NCAM2: variants seen among roughly 807,000 people sequenced by gnomAD.
NCAM2 encodes the protein neural cell adhesion molecule 2.
In NCAM2, 30 loss-of-function variants were observed where a neutral mutation model predicts 98.1. The observed-to-expected ratio is 0.31, with a 90% CI of 0.23 to 0.41. The LOEUF (loss-of-function observed/expected upper bound fraction) is 0.41, where lower values mean the gene tolerates loss of function less well. Ranked by LOEUF, NCAM2 falls within the 10% of genes least tolerant of loss-of-function variation. NCAM2 has a pLI of 1.00. For synonymous variants in NCAM2, 368 were observed against 342.4 expected (o/e 1.07, Z -0.83); for missense variants, 867 against 1,005.8 (o/e 0.86, Z 1.87).
At chr21:21,160,694 A>G (rs1010375826) in intron 1 of NCAM2, among the ~76,000 whole-genome samples, 2 of 151,990 alleles carry the variant, frequency 1.3e-5, no homozygotes, top group African/African-American at 4.8e-5. Flanking sequence ...TGTGTATGCA[A>G]GACAATACTG....
chr21:21,314,757 A>ATTT (rs1388302854), intron 5 of NCAM2, among the ~76,000 whole-genome samples: 1 of 135,282 alleles, frequency 7.4e-6, no homozygotes, highest in Admixed American at 7.7e-5. Context: ...ACATCCATGA[A>ATTT]TTTTGTTGTT....
chr21:21,434,973 G>T (rs1448453676), intron 12 of NCAM2, among the ~76,000 whole-genome samples: 2 of 152,128 alleles, frequency 1.3e-5, no homozygotes, highest in Non-Finnish European at 2.9e-5. Context: ...GCCCCTTGGG[G>T]ATGTGTGACT....
At chr21:21,084,061 A>C (rs1165608326) in intron 1 of NCAM2, among the ~76,000 whole-genome samples, 1 of 152,190 alleles carries the variant, frequency 6.6e-6, no homozygotes, top group African/African-American at 2.4e-5. Context: ...TAGATCAAAA[A>C]GCAGCCAATT....
In NCAM2 at chr21:21,247,914, C is replaced by A. The variant is rs142524773; in HGVS notation, c.56-32664C>A. On this transcript the variant is annotated intron_variant, in intron 1 of 17. Transcript: ENST00000400546. ...TCCTCGTCCTTTTCTCCTTTCCCTT[C>A]TTCCTTCTTTCTCTTCAATTCTTTT... Among the ~76,000 whole-genome samples the A allele has an allele frequency of 2.4e-4, 36 of 152,132 alleles. 1 individual carries two copies. Among genetic ancestry groups the A allele is most frequent in the Non-Finnish European group, 3.8e-4 (26 of 68,028 alleles).
rs71193401 is a variant in NCAM2, at chr21:21,123,848, C to CT, written c.55+125247dup. Among the ~76,000 whole-genome samples the CT allele has an allele frequency of 1.6e-3, 137 of 86,664 alleles. 9 individuals carry two copies. Among genetic ancestry groups the CT allele is most frequent in the African/African-American group, 6.1e-3 (133 of 21,884 alleles). The allele number at this position is 86,664 out of a possible 152,430, so 56.9% of individuals were successfully genotyped here. On this transcript the variant is annotated intron_variant, in intron 1 of 17. Transcript: ENST00000400546. ...GCACATTTGAATTCATTCTTGATTG[C>CT]TTTTTTTTTTTTTTTTTGAGACGGA...
chr21:21,202,202 T>C (rs547172470), intron 1 of NCAM2, among the ~76,000 whole-genome samples: 23 of 152,224 alleles, frequency 1.5e-4, no homozygotes, highest in African/African-American at 5.5e-4. Flanking sequence ...TTTGTATAAA[T>C]TAATCTGTGC....
intron 16 of NCAM2, among the ~76,000 whole-genome samples, chr21:21,511,342 T>G (rs1030034841): frequency 6.6e-6 from 1 of 151,978 alleles, no homozygotes; most frequent in East Asian, 1.9e-4. Context: ...TGAGTTTAAG[T>G]TGTTGTTGTT....
chr21:21,224,525 G>C (rs2070302555), intron 1 of NCAM2, among the ~76,000 whole-genome samples: 1 of 152,030 alleles, frequency 6.6e-6, no homozygotes, highest in Non-Finnish European at 1.5e-5. Context: ...ATAAATATAT[G>C]TTAAATATGT....
chr21:21,502,039 T>A (rs1987670078), intron 15 of NCAM2, among the ~76,000 whole-genome samples: 1 of 151,950 alleles, frequency 6.6e-6, no homozygotes, highest in Non-Finnish European at 1.5e-5. Context: ...CTGACTAAAG[T>A]ATTTTGCGAG....
chr21:21,389,013 A>C (rs2076327173), intron 9 of NCAM2, among the ~76,000 whole-genome samples: 1 of 152,212 alleles, frequency 6.6e-6, no homozygotes, highest in South Asian at 2.1e-4. Flanking sequence ...GTAATCCTCA[A>C]ATCTGGGTAA....
chr21:21,471,316 T>C (rs1421822502), intron 14 of NCAM2, among the ~76,000 whole-genome samples: 1 of 152,020 alleles, frequency 6.6e-6, no homozygotes, highest in African/African-American at 2.4e-5. Context: ...AACATCATGC[T>C]CTGAGGATCC....
At chr21:21,309,286 G>T (rs1229396681) in intron 5 of NCAM2, among the ~76,000 whole-genome samples, 3 of 151,642 alleles carry the variant, frequency 2.0e-5, no homozygotes, top group Non-Finnish European at 4.4e-5. Context: ...TTGTTTTGTT[G>T]TTCTTTTCAA....
intron 1 of NCAM2, among the ~76,000 whole-genome samples, chr21:21,084,574 A>G (rs1601322125): frequency 6.6e-6 from 1 of 152,208 alleles, no homozygotes; most frequent in African/African-American, 2.4e-5. Flanking sequence ...TTAAGTATGT[A>G]TGATGTTTAA....
intron 1 of NCAM2, among the ~76,000 whole-genome samples, chr21:21,219,878 C>G (rs2070068420): frequency 6.6e-6 from 1 of 152,054 alleles, no homozygotes; most frequent in Non-Finnish European, 1.5e-5. Flanking sequence ...TGATTCTGAT[C>G]TTGATCCTAG....
At chr21:21,418,371 G>A in intron 10 of NCAM2, 102 bp from the exon 11 acceptor site, 1 of 792,326 alleles carries the variant, frequency 1.3e-6, no homozygotes, top group Admixed American at 2.1e-5. Flanking sequence ...GGAGTTGTTG[G>A]GTAAAAAATG....
intron 8 of NCAM2, among the ~76,000 whole-genome samples, chr21:21,372,257 A>G (rs1353396580): frequency 1.3e-5 from 2 of 151,876 alleles, no homozygotes; most frequent in Non-Finnish European, 2.9e-5. Flanking sequence ...AAAAATAACC[A>G]TATTATAAAA....
intron 1 of NCAM2, among the ~76,000 whole-genome samples, chr21:21,125,507 T>TA (rs1399719263): frequency 0.02 from 2,324 of 115,500 alleles, 132 homozygotes; most frequent in Non-Finnish European, 0.029. Flanking sequence ...ATATGTAATA[T>TA]TTTACATATA....
chr21:21,197,080 A>G (rs1293609124), intron 1 of NCAM2, among the ~76,000 whole-genome samples: 2 of 152,244 alleles, frequency 1.3e-5, no homozygotes, highest in African/African-American at 2.4e-5. Flanking sequence ...CCATAGGACC[A>G]GTGGAACTGT....
intron 1 of NCAM2, among the ~76,000 whole-genome samples, chr21:21,125,703 A>G (rs535986580): frequency 2.3e-5 from 1 of 42,864 alleles, no homozygotes; most frequent in Non-Finnish European, 7.1e-5. Context: ...AATATTTTAC[A>G]TATATATATA....
Sources: allele counts gnomAD v4.1 joint callset (sites outside exome capture counted in the v4.1 genomes callset), GRCh38; gene constraint gnomAD v4.1.1; transcripts MANE v1.5; gene names NCBI Gene and HGNC (gene_info 2026-07-23, HGNC 2026-07-21).